Variants in ACOT7 observed in about 807,000 individuals in gnomAD.
ACOT7 encodes cytosolic acyl coenzyme A thioester hydrolase.
A neutral mutation model predicts 40.2 loss-of-function variants in ACOT7; 12 were observed. The ratio of observed to expected loss-of-function variants is 0.30; its 90% confidence interval spans 0.19 to 0.48. ACOT7 has a LOEUF of 0.48. ACOT7 is among the 20% of genes least tolerant of loss of function. The probability of loss-of-function intolerance (pLI) is 0.99; values close to 1 mark genes in which losing one functional copy is unlikely to be tolerated. For missense variants in ACOT7, 395 were observed against 530.8 expected (o/e 0.74, Z 2.51); for synonymous variants, 228 against 219.5 (o/e 1.04, Z -0.34).
At chr1:6,270,449 G>A (rs1638997874) in intron 8 of ACOT7, among the ~76,000 whole-genome samples, 1 of 152,220 alleles carries the variant, frequency 6.6e-6, no homozygotes, top group Admixed American at 6.5e-5. Context: ...TGTGGCCTCA[G>A]GCAGGCTCCT....
chr1:6,276,848 G>A (rs143105958), intron 8 of ACOT7, among the ~76,000 whole-genome samples: 278 of 152,254 alleles, frequency 1.8e-3, no homozygotes, highest in African/African-American at 6.4e-3. Flanking sequence ...CATCTTTAAT[G>A]AGTGAGAAAT....
intron 2 of ACOT7, among the ~76,000 whole-genome samples, chr1:6,341,557 A>G (rs1479482339): frequency 1.3e-5 from 2 of 152,118 alleles, no homozygotes; most frequent in Non-Finnish European, 2.9e-5. Flanking sequence ...CCTGGCTAAC[A>G]TGGTGAAACC....
At chr1:6,380,713 C>CAA (rs61258408) in intron 1 of ACOT7, among the ~76,000 whole-genome samples, 4,524 of 105,860 alleles carry the variant, frequency 0.043, 122 homozygotes, top group Non-Finnish European at 0.059. Flanking sequence ...ATAGCATATA[C>CAA]AAAAAAAAAA....
At position 6,288,039 on chromosome 1, in the gene ACOT7, C is replaced by T. The variant is rs1263589616; in HGVS notation, c.830-6753G>A. On this transcript the variant is annotated intron_variant, in intron 7 of 8. Transcript: ENST00000361521. This position sits in a 1 kb window ranked among gnomAD's most constrained non-coding sequence, Gnocchi z 4.3. ...AAGGCAACGATATAACTTTTTCACA[C>T]CAGCTACCTCTGGACATTTTAATGT... 1.3e-5 allele frequency among the ~76,000 whole-genome samples: 2 copies of T among 152,154 alleles called. No individual in the cohort carries two copies. Among genetic ancestry groups the T allele is most frequent in the East Asian group, 3.9e-4 (2 of 5,194 alleles).
intron 6 of ACOT7, among the ~76,000 whole-genome samples, chr1:6,315,576 C>G (rs1402251663): frequency 6.6e-6 from 1 of 151,842 alleles, no homozygotes; most frequent in Admixed American, 6.6e-5. Context: ...ATGCTGAAAA[C>G]CCGTCTCTAC....
Position 6,382,189 on chromosome 1 carries a change from G to A in ACOT7, c.143+11068C>T, listed in dbSNP as rs930072243. Among the ~76,000 whole-genome samples, 4 of 150,434 alleles carry A rather than the reference G, an allele frequency of 2.7e-5. No individual in the cohort carries two copies. The South Asian group carries it at 6.3e-4, about 24-fold the overall frequency. On this transcript the variant is annotated intron_variant, in intron 1 of 8. Transcript: ENST00000361521. ...AACACTTTGGGAGGCCGAGGCAGGC[G>A]GATCACGAGGTCAAGACCATTCTAG...
chr1:6,281,374 C>CACT, intron 7 of ACOT7, 88 bp from the exon 8 acceptor site: 1 of 1,224,372 alleles, frequency 8.2e-7, no homozygotes, highest in Non-Finnish European at 1.2e-6. Flanking sequence ...AGCAGGCAGA[C>CACT]ACTTGGTTAG....
chr1:6,324,143 C>T (rs1640735545), intron 5 of ACOT7, among the ~76,000 whole-genome samples: 1 of 151,972 alleles, frequency 6.6e-6, no homozygotes, highest in African/African-American at 2.4e-5. Context: ...AGGCTGGTCT[C>T]AGATGAGCCC....
chr1:6,356,968 G>A (rs2148462706), intron 1 of ACOT7, among the ~76,000 whole-genome samples: 1 of 151,142 alleles, frequency 6.6e-6, no homozygotes, highest in South Asian at 2.1e-4. Flanking sequence ...GCTGGACGCA[G>A]TGGCTCACGC....
chr1:6,279,571 C>T (rs181170278), intron 8 of ACOT7, among the ~76,000 whole-genome samples: 4 of 152,316 alleles, frequency 2.6e-5, no homozygotes, highest in Admixed American at 1.3e-4. Context: ...GTGTTAGTGC[C>T]GTGCTGGGGG....
At chr1:6,268,109 G>A (rs1638905379) in intron 8 of ACOT7, among the ~76,000 whole-genome samples, 1 of 152,224 alleles carries the variant, frequency 6.6e-6, no homozygotes, top group South Asian at 2.1e-4. Flanking sequence ...TGGCTAAGGG[G>A]TGGTGCTTCT....
chr1:6,381,340 T>A (rs934033850), intron 1 of ACOT7, among the ~76,000 whole-genome samples: 6 of 151,568 alleles, frequency 4.0e-5, no homozygotes, highest in African/African-American at 1.2e-4. Flanking sequence ...TTTTCAGTTT[T>A]AAAAAAAACC....
intron 1 of ACOT7, among the ~76,000 whole-genome samples, chr1:6,392,086 T>C (rs1265811907): frequency 6.6e-6 from 1 of 151,986 alleles, no homozygotes; most frequent in African/African-American, 2.4e-5. Flanking sequence ...GGAGAGGCCC[T>C]CGACCAGGCC....
At chr1:6,264,780 C>T (rs781365502) in intron 8 of ACOT7, 85 bp from the exon 9 acceptor site, 177 of 1,425,646 alleles carry the variant, frequency 1.2e-4, no homozygotes, top group Non-Finnish European at 1.6e-4. Context: ...GGGCCCTGCC[C>T]CCCACCCGTG....
intron 8 of ACOT7, among the ~76,000 whole-genome samples, chr1:6,265,294 G>A (rs550201341): frequency 5.5e-4 from 80 of 145,334 alleles, no homozygotes; most frequent in African/African-American, 2.1e-3. Flanking sequence ...TCACCGCCCC[G>A]GAGAGAAGTG....
chr1:6,331,269 T>A (rs1640946378), intron 4 of ACOT7, among the ~76,000 whole-genome samples: 1 of 152,078 alleles, frequency 6.6e-6, no homozygotes, highest in South Asian at 2.1e-4. Flanking sequence ...AAAAACCAGG[T>A]CTTTGTAGTT....
intron 1 of ACOT7, among the ~76,000 whole-genome samples, chr1:6,377,376 A>C (rs911852186): frequency 1.8e-4 from 28 of 152,160 alleles, no homozygotes; most frequent in African/African-American, 6.8e-4. Flanking sequence ...TCTCTATTTA[A>C]ATAATAAAAA....
At chr1:6,277,661 C>A (rs1557627546) in intron 8 of ACOT7, among the ~76,000 whole-genome samples, 1 of 152,252 alleles carries the variant, frequency 6.6e-6, no homozygotes, top group Non-Finnish European at 1.5e-5. Context: ...AAGACAGCTC[C>A]TGCCCTTCCT....
At position 6,393,359 on chromosome 1, in the gene ACOT7, G is replaced by A. The variant is rs1473369929; in HGVS notation, c.41C>T (p.Pro14Leu). 27 of 1,240,564 alleles carry A rather than the reference G, an allele frequency of 2.2e-5. No homozygotes were observed. Among genetic ancestry groups the A allele is most frequent in the Non-Finnish European group, 2.4e-5 (24 of 990,812 alleles). The allele number at this position is 1,240,564 out of a possible 1,614,324, so 76.8% of individuals were successfully genotyped here. A position where few individuals can be genotyped will look rare whatever the true frequency, so the allele number is the denominator to read the frequency against. ...PGLIHSAPGL[P>L]DTCALLQPPA... ...CGGCTGCAGAAGGGCGCAGGTGTCT[G>A]GCAGGCCCGGCGCGGAATGAATGAG... The change falls in exon 1 of 9, where the codon CCA (proline) becomes CTA (leucine). Residue 14 changes from proline to leucine, a missense_variant. By Grantham distance (98) the Pro-to-Leu change is moderately conservative. This residue lies in a region of ACOT7 where 86 missense variants were observed against 60.5 expected (regional missense o/e 1.42). Transcript: ENST00000361521.
Sources: gnomAD v4.1 joint callset for allele counts (sites outside exome capture counted in the v4.1 genomes callset) on GRCh38, gnomAD v4.1.1 for gene constraint, gnomAD v4.1.1 regional missense constraint, Gnocchi (gnomAD v3.1) non-coding constraint, MANE v1.5 for transcripts, NCBI Gene and HGNC (gene_info 2026-07-23, HGNC 2026-07-21) for gene names.